C1QL4: variants seen among roughly 807,000 people sequenced by gnomAD.
C1QL4 encodes complement C1q like 4.
In C1QL4, 5 loss-of-function variants were observed where a neutral mutation model predicts 13.4. That is an observed-to-expected ratio of 0.37 (90% CI 0.19 to 0.78). The LOEUF is 0.78. Ranked by LOEUF, C1QL4 falls within the 30% of genes least tolerant of loss-of-function variation. The probability of loss-of-function intolerance (pLI) is 0.47; values close to 1 mark genes in which losing one functional copy is unlikely to be tolerated. For synonymous variants in C1QL4, 168 were observed against 153.9 expected, an observed-to-expected ratio of 1.09 and a Z score of -0.68; for missense variants, 367 against 361.6, an observed-to-expected ratio of 1.01 and a Z score of -0.12.
intron 1 of C1QL4, among the ~76,000 whole-genome samples, chr12:49,335,692 C>T (rs935661229): frequency 3.6e-4 from 55 of 152,362 alleles, no homozygotes; most frequent in African/African-American, 1.2e-3. Flanking sequence ...TGCAGAGACA[C>T]TCAGGTTTAA....
chr12:49,336,390 T>A lies in C1QL4; in HGVS notation c.88A>T (p.Met30Leu). ...CGGGGCCCATGCGGGTCGCACACCA[T>A]GCGGCAGCGACCCAGCATCTCGTAG... is the stretch of plus-strand genomic sequence containing the variant. ...AHYEMLGRCR[M>L]VCDPHGPRGP... The change falls in exon 1 of 2, where the codon ATG (methionine) becomes TTG (leucine). Residue 30 changes from methionine (M) to leucine (L), a missense_variant. Physicochemically the swap from Met to Leu is conservative, Grantham distance 15. Coordinates refer to ENST00000334221, the MANE Select transcript of C1QL4 (RefSeq NM_001008223.2). This position sits in a 1 kb window ranked among gnomAD's most constrained non-coding sequence, Gnocchi z 7.7. 1 of 1,500,280 alleles carries A rather than the reference T, an allele frequency of 6.7e-7. No homozygotes were observed. The allele number at this position is 1,500,280 out of a possible 1,614,324, so 92.9% of individuals were successfully genotyped here. A position where few individuals can be genotyped will look rare whatever the true frequency, so the allele number is the denominator to read the frequency against.
chr12:49,336,601 A>G lies in C1QL4; in HGVS notation c.-124T>C, dbSNP rs1353873933. 3 of 1,182,234 alleles carry G rather than the reference A, an allele frequency of 2.5e-6. No individual in the cohort carries two copies. Among genetic ancestry groups the G allele is most frequent in the African/African-American group, 3.2e-5 (2 of 61,598 alleles). 73.2% of individuals were successfully genotyped at this position (1,182,234 alleles called of 1,614,324 possible). ...CCGGGGCCGGGGCTCTCCGCGGGCC[A>G]GGAGGCGGTGACCCGCCTTGGGCCT... On this transcript the variant is annotated 5_prime_UTR_variant, in exon 1 of 2. Transcript: ENST00000334221. This position sits in a 1 kb window ranked among gnomAD's most constrained non-coding sequence, Gnocchi z 7.7.
Position 49,332,887 on chromosome 12 carries a change from AT to A in C1QL4, c.*166del, listed in dbSNP as rs1472868167. The A allele has an allele frequency of 1.4e-6, 1 of 709,800 alleles. No homozygotes were observed. The highest frequency in any genetic ancestry group is 2.7e-5 in the East Asian group (1 of 36,398). 44.0% of individuals were successfully genotyped at this position (709,800 alleles called of 1,614,324 possible). ...GGTCTCCTCCTCTTCCCGGCCACTT[AT>A]ACCCTTGAGCACCAAGAGTTCGCCC... On this transcript the variant is annotated 3_prime_UTR_variant, in exon 2 of 2. Transcript: ENST00000334221.
In C1QL4 at chr12:49,333,078, G is replaced by A. The variant is rs146543398; in HGVS notation, c.693C>T (p.Ser231=). The change falls in exon 2 of 2, where the codon TCC becomes TCT. Residue 231 remains serine (S), a synonymous_variant. Transcript: ENST00000334221. ...GGNTNKYSTF[S]GFIIYPD The stretch of plus-strand genomic sequence containing the variant: ...CTCAGTCGGGGTAGATGATGAAGCC[G>A]GAGAAGGTGCTGTACTTGTTGGTGT... The A allele has an allele frequency of 1.9e-5, 31 of 1,613,592 alleles. No homozygotes were observed. Among genetic ancestry groups the A allele is most frequent in the Admixed American group, 1.0e-4 (6 of 59,950 alleles).
At chr12:49,335,651 G>GTT (rs1943625210) in intron 1 of C1QL4, among the ~76,000 whole-genome samples, 1 of 152,190 alleles carries the variant, frequency 6.6e-6, no homozygotes, top group African/African-American at 2.4e-5. Flanking sequence ...GACATCTGGT[G>GTT]TTGCCCATAG....
chr12:49,335,324 G>A (rs1015584279), intron 1 of C1QL4, among the ~76,000 whole-genome samples: 2 of 152,256 alleles, frequency 1.3e-5, no homozygotes, highest in Non-Finnish European at 2.9e-5. Context: ...TCTGCTGAGG[G>A]CAAGGCCGTT....
rs1943633558 is a variant in C1QL4, at chr12:49,336,413, T to C, written c.65A>G (p.Tyr22Cys). 3.2e-6 allele frequency: 5 copies of C among 1,541,568 alleles called. No homozygotes were observed. Among genetic ancestry groups the C allele is most frequent in the East Asian group, 2.5e-5 (1 of 39,460 alleles). ...CATGCGGCAGCGACCCAGCATCTCG[T>C]AGTGCGCTGGCCCGCGGGAGCTGTG... is the stretch of plus-strand genomic sequence containing the variant. ...LVHSSRGPAH[Y>C]EMLGRCRMVC... Residue 22 changes from tyrosine to cysteine, a missense_variant, in exon 1 of 2, where the codon TAC becomes TGC. Transcript: ENST00000334221. This position sits in a 1 kb window ranked among gnomAD's most constrained non-coding sequence, Gnocchi z 7.7.
rs1943629792 is a variant in C1QL4 at position 49,336,141 on chromosome 12, A to G, written c.337T>C (p.Tyr113His). 1 of 1,610,052 alleles carries G rather than the reference A, an allele frequency of 6.2e-7. No individual in the cohort carries two copies. Among genetic ancestry groups the G allele is most frequent in the South Asian group, 1.1e-5 (1 of 90,930 alleles). The change falls in exon 1 of 2, where the codon TAC becomes CAC. Residue 113 changes from tyrosine (Y) to histidine (H), a missense_variant. By Grantham distance (83) the Tyr-to-His change is moderately conservative. Transcript: ENST00000334221. This position sits in a 1 kb window ranked among gnomAD's most constrained non-coding sequence, Gnocchi z 7.7. The part of the protein sequence containing the change: ...AAGYVPRIAF[Y>H]AGLRRPHEGY... ...TCGTGGGGCCGCCGCAGGCCCGCGTAGAAAGCAATGCGAGGCACGTAGCCG... is the reference window on the plus strand; with the variant it reads ...TCGTGGGGCCGCCGCAGGCCCGCGTGGAAAGCAATGCGAGGCACGTAGCCG...
Position 49,336,206 on chromosome 12 carries a change from C to A in C1QL4, c.272G>T (p.Gly91Val), listed in dbSNP as rs1263599661. 6.5e-7 allele frequency: 1 copy of A among 1,546,924 alleles called. No homozygotes were observed. Among genetic ancestry groups the A allele is most frequent in the South Asian group, 1.2e-5 (1 of 84,204 alleles). ...PGEPGRPGPP[G>V]PPGPGPGGVA... ...CCCGCCCGGACCTGGACCGGGAGGG[C>A]CCGGGGGGCCTGGCCTGCCGGGTTC... is the stretch of plus-strand genomic sequence containing the variant. The change falls in exon 1 of 2, where the codon GGC (glycine) becomes GTC (valine). Residue 91 changes from glycine (G) to valine (V), a missense_variant. Physicochemically the swap from Gly to Val is moderately radical, Grantham distance 109. Transcript: ENST00000334221. This position sits in a 1 kb window ranked among gnomAD's most constrained non-coding sequence, Gnocchi z 7.7.
Position 49,336,018 on chromosome 12 carries a change from A to G in C1QL4, c.460T>C (p.Tyr154His). The change falls in exon 1 of 2, where the codon TAC becomes CAC. Residue 154 changes from tyrosine to histidine, a missense_variant. By Grantham distance (83) the Tyr-to-His change is moderately conservative (BLOSUM62 2). Transcript: ENST00000334221. The surrounding 1 kb of genome is among the most constrained non-coding windows in gnomAD (Gnocchi z 7.7). ...ATGAGCACGTGGTAAGCGAAGAAGTAGACGCCTGGCATGGGGCAAGTAAAC... is the reference window on the plus strand; with the variant it reads ...ATGAGCACGTGGTAAGCGAAGAAGTGGACGCCTGGCATGGGGCAAGTAAAC... The part of the protein sequence containing the change: ...GKFTCPMPGV[Y>H]FFAYHVLMRG... 1 of 1,611,570 alleles carries G rather than the reference A, an allele frequency of 6.2e-7. No individual in the cohort carries two copies. Among genetic ancestry groups the G allele is most frequent in the Non-Finnish European group, 8.5e-7 (1 of 1,179,678 alleles).
At position 49,336,595 on chromosome 12, in the gene C1QL4, C is replaced by T. The variant is rs1285712553; in HGVS notation, c.-118G>A. On this transcript the variant is annotated 5_prime_UTR_variant, in exon 1 of 2. Coordinates refer to ENST00000334221, the MANE Select transcript of C1QL4 (RefSeq NM_001008223.2). This position sits in a 1 kb window ranked among gnomAD's most constrained non-coding sequence, Gnocchi z 7.7. ...TGGCTGCCGGGGCCGGGGCTCTCCGCGGGCCAGGAGGCGGTGACCCGCCTT... is the reference window on the plus strand; with the variant it reads ...TGGCTGCCGGGGCCGGGGCTCTCCGTGGGCCAGGAGGCGGTGACCCGCCTT... 8.1e-6 allele frequency: 10 copies of T among 1,235,142 alleles called. No individual in the cohort carries two copies. The highest frequency in any genetic ancestry group is 4.0e-5 in the Admixed American group (1 of 24,978). 76.5% of individuals were successfully genotyped at this position (1,235,142 alleles called of 1,614,324 possible). A position where few individuals can be genotyped will look rare whatever the true frequency, so the allele number is the denominator to read the frequency against.
intron 1 of C1QL4, among the ~76,000 whole-genome samples, chr12:49,334,336 C>T (rs557819896): frequency 1.8e-4 from 27 of 152,264 alleles, no homozygotes; most frequent in Middle Eastern, 3.4e-3. Flanking sequence ...GCATAGGGTG[C>T]GGGCCATGAT....
In C1QL4 at chr12:49,336,623, G is replaced by T; in HGVS notation, c.-146C>A. On this transcript the variant is annotated 5_prime_UTR_variant, in exon 1 of 2. Transcript: ENST00000334221. This position sits in a 1 kb window ranked among gnomAD's most constrained non-coding sequence, Gnocchi z 7.7. ...GCCAGGAGGCGGTGACCCGCCTTGG[G>T]CCTGGGTCTGCACTCCCCCGACGGC... 1.1e-6 allele frequency: 1 copy of T among 935,490 alleles called. No individual in the cohort carries two copies. The highest frequency in any genetic ancestry group is 1.5e-6 in the Non-Finnish European group (1 of 679,196). 57.9% of individuals were successfully genotyped at this position (935,490 alleles called of 1,614,324 possible). A position where few individuals can be genotyped will look rare whatever the true frequency, so the allele number is the denominator to read the frequency against.
chr12:49,336,600 C>T lies in C1QL4; in HGVS notation c.-123G>A. On this transcript the variant is annotated 5_prime_UTR_variant, in exon 1 of 2. Transcript: ENST00000334221. The surrounding 1 kb of genome is among the most constrained non-coding windows in gnomAD (Gnocchi z 7.7). ...GCCGGGGCCGGGGCTCTCCGCGGGC[C>T]AGGAGGCGGTGACCCGCCTTGGGCC... The T allele has an allele frequency of 8.3e-7, 1 of 1,198,682 alleles. No homozygotes were observed. The highest frequency in any genetic ancestry group is 1.1e-6 in the Non-Finnish European group (1 of 919,444). The allele number at this position is 1,198,682 out of a possible 1,614,324, so 74.3% of individuals were successfully genotyped here. A position where few individuals can be genotyped will look rare whatever the true frequency, so the allele number is the denominator to read the frequency against.
At chr12:49,333,320 G>A (rs894746477) in intron 1 of C1QL4, 87 bp from the exon 2 acceptor site, 10 of 1,414,142 alleles carry the variant, frequency 7.1e-6, no homozygotes, top group South Asian at 2.8e-5. Context: ...GAAGGCGGCC[G>A]GGCAGCCGCC....
intron 1 of C1QL4, among the ~76,000 whole-genome samples, chr12:49,334,379 C>T (rs1318281680): frequency 1.3e-5 from 2 of 152,122 alleles, no homozygotes; most frequent in East Asian, 1.9e-4. Context: ...CCTGTGGGCG[C>T]GGATTTCCCG....
chr12:49,334,559 C>T (rs2137080029), intron 1 of C1QL4, among the ~76,000 whole-genome samples: 1 of 152,286 alleles, frequency 6.6e-6, no homozygotes, highest in South Asian at 2.1e-4. Flanking sequence ...TTATTCTAAT[C>T]ACTATTTACC....
chr12:49,333,336 G>T, intron 1 of C1QL4, 103 bp from the exon 2 acceptor site: 1 of 1,213,986 alleles, frequency 8.2e-7, no homozygotes, highest in Middle Eastern at 2.8e-4. Context: ...CCGCCGCAGG[G>T]GCTGGGGAGG....
In C1QL4 at chr12:49,336,597, G is replaced by A; in HGVS notation, c.-120C>T. 9.9e-6 allele frequency: 12 copies of A among 1,212,468 alleles called. No individual in the cohort carries two copies. The highest frequency in any genetic ancestry group is 1.3e-5 in the Non-Finnish European group (12 of 931,866). 75.1% of individuals were successfully genotyped at this position (1,212,468 alleles called of 1,614,324 possible). On this transcript the variant is annotated 5_prime_UTR_variant, in exon 1 of 2. Transcript: ENST00000334221. The surrounding 1 kb of genome is among the most constrained non-coding windows in gnomAD (Gnocchi z 7.7). ...GCTGCCGGGGCCGGGGCTCTCCGCG[G>A]GCCAGGAGGCGGTGACCCGCCTTGG...
Sources: allele counts gnomAD v4.1 joint callset (sites outside exome capture counted in the v4.1 genomes callset), GRCh38; gene constraint gnomAD v4.1.1; non-coding constraint Gnocchi (gnomAD v3.1); transcripts MANE v1.5; gene names NCBI Gene and HGNC (gene_info 2026-07-23, HGNC 2026-07-21).